PSMD1: variants seen among roughly 807,000 people sequenced by gnomAD.
PSMD1 encodes the protein proteasome 26S subunit, non-ATPase 1, also known as 26S proteasome non-ATPase regulatory subunit 1.
In PSMD1, 18 loss-of-function variants were observed where a neutral mutation model predicts 119.0. That is an observed-to-expected ratio of 0.15 (90% CI 0.10 to 0.22). The LOEUF is 0.22. Ranked by LOEUF, PSMD1 falls within the 10% of genes least tolerant of loss-of-function variation. The probability of loss-of-function intolerance (pLI) is 1.00; values close to 1 mark genes in which losing one functional copy is unlikely to be tolerated. For synonymous variants in PSMD1, 374 were observed against 396.6 expected (o/e 0.94, Z 0.68); for missense variants, 702 against 1,158.5 (o/e 0.61, Z 5.72).
chr2:231,114,269 C>A (rs1695257922), intron 16 of PSMD1, among the ~76,000 whole-genome samples: 1 of 152,044 alleles, frequency 6.6e-6, no homozygotes, highest in Non-Finnish European at 1.5e-5. Context: ...TGGAACTTAA[C>A]CTTGGTATTT....
intron 13 of PSMD1, 115 bp from the exon 14 acceptor site, chr2:231,083,452 C>A: frequency 9.2e-7 from 1 of 1,087,352 alleles, no homozygotes; most frequent in Non-Finnish European, 1.3e-6. Context: ...AAAATGCTAT[C>A]AGAAGCTAAT....
At position 231,082,968 on chromosome 2, in the gene PSMD1, A is replaced by G. The variant is rs1459406753; in HGVS notation, c.1499A>G (p.Asn500Ser). 1 of 1,613,790 alleles carries G rather than the reference A, an allele frequency of 6.2e-7. No homozygotes were observed. Residue 500 changes from asparagine to serine, a missense_variant, in exon 13 of 25, where the codon AAC (asparagine) becomes AGC (serine). By Grantham distance (46) the Asn-to-Ser change is conservative. Coordinates refer to ENST00000308696, the MANE Select transcript of PSMD1 (RefSeq NM_002807.4). ...GATGTTTATGATTTGCTAAAAACAA[A>G]CCTTTATCAGGATGATGCAGTAACA... is the stretch of plus-strand genomic sequence containing the variant. ...RQDVYDLLKT[N>S]LYQDDAVTGE...
At chr2:231,158,792 G>T (rs949196191) in intron 19 of PSMD1, among the ~76,000 whole-genome samples, 1 of 151,994 alleles carries the variant, frequency 6.6e-6, no homozygotes, top group African/African-American at 2.4e-5. Flanking sequence ...AGTCTCCTTA[G>T]GATCTTTTCC....
chr2:231,057,462 A>G (rs1238430165), intron 1 of PSMD1, among the ~76,000 whole-genome samples: 1 of 152,238 alleles, frequency 6.6e-6, no homozygotes, highest in Non-Finnish European at 1.5e-5. Context: ...CTGATCGGGC[A>G]GCCTAACTGC....
intron 16 of PSMD1, among the ~76,000 whole-genome samples, chr2:231,132,140 A>G (rs928118219): frequency 6.6e-6 from 1 of 152,250 alleles, no homozygotes; most frequent in Non-Finnish European, 1.5e-5. Flanking sequence ...CCTTTTGGGA[A>G]GCAAAACTTA....
rs1417777695 is a variant in PSMD1 at position 231,115,515 on chromosome 2, G to A, written c.1884-23221G>A. Among the ~76,000 whole-genome samples, 6 of 152,228 alleles carry A rather than the reference G, an allele frequency of 3.9e-5. No individual in the cohort carries two copies. In the East Asian group the frequency reaches 1.2e-3, roughly 29 times the overall value. ...TATGTTCAGCAGCTTCTTAAAAAGGGATTAAAGCATCAAGTGGAAAGGGTC... is the reference window on the plus strand; with the variant it reads ...TATGTTCAGCAGCTTCTTAAAAAGGAATTAAAGCATCAAGTGGAAAGGGTC... On this transcript the variant is annotated intron_variant, in intron 16 of 24. Coordinates refer to ENST00000308696, the MANE Select transcript of PSMD1 (RefSeq NM_002807.4).
chr2:231,065,941 A>T (rs1693900301), intron 4 of PSMD1, among the ~76,000 whole-genome samples: 2 of 152,230 alleles, frequency 1.3e-5, no homozygotes, highest in African/African-American at 4.8e-5. Context: ...ATGTCCCATA[A>T]GAGTACAATA....
At chr2:231,061,870 C>CT (rs1449623945) in intron 2 of PSMD1, among the ~76,000 whole-genome samples, 1 of 152,198 alleles carries the variant, frequency 6.6e-6, no homozygotes, top group Admixed American at 6.5e-5. Context: ...ACACCTTCCG[C>CT]TTCCCCCGCC....
intron 18 of PSMD1, among the ~76,000 whole-genome samples, chr2:231,153,038 A>G (rs139065784): frequency 4.6e-5 from 7 of 152,332 alleles, no homozygotes; most frequent in Non-Finnish European, 7.4e-5. Context: ...GTACGAGTAC[A>G]CATTCTGACA....
chr2:231,108,423 G>T, intron 16 of PSMD1: 1 of 857,208 alleles, frequency 1.2e-6, no homozygotes, highest in Non-Finnish European at 1.9e-6. Context: ...TTTGATATAT[G>T]ACATAAAATT....
chr2:231,114,062 T>C (rs1695251320), intron 16 of PSMD1: 3 of 715,528 alleles, frequency 4.2e-6, no homozygotes, highest in African/African-American at 1.8e-5. Context: ...CAACATAATG[T>C]TTAACTTCAG....
chr2:231,131,121 A>G (rs1559244168), intron 16 of PSMD1, among the ~76,000 whole-genome samples: 1 of 152,086 alleles, frequency 6.6e-6, no homozygotes, highest in Non-Finnish European at 1.5e-5. Context: ...TTCCCATGGT[A>G]TGAATTTTGC....
At chr2:231,069,478 T>C (rs934984298) in intron 5 of PSMD1, among the ~76,000 whole-genome samples, 2 of 152,230 alleles carry the variant, frequency 1.3e-5, no homozygotes, top group African/African-American at 4.8e-5. Context: ...TCTCAAATAT[T>C]GGGGATACTT....
intron 12 of PSMD1, among the ~76,000 whole-genome samples, chr2:231,081,741 G>T (rs1488823709): frequency 6.6e-6 from 1 of 152,200 alleles, no homozygotes; most frequent in East Asian, 1.9e-4. Flanking sequence ...ATTCAGAAAT[G>T]ACAGATGACC....
At chr2:231,144,895 C>A (rs1390138445) in intron 17 of PSMD1, among the ~76,000 whole-genome samples, 2 of 152,190 alleles carry the variant, frequency 1.3e-5, no homozygotes, top group Non-Finnish European at 2.9e-5. Context: ...TAGCATAATA[C>A]ATAAAATACC....
intron 16 of PSMD1, among the ~76,000 whole-genome samples, chr2:231,132,902 A>T (rs560397475): frequency 6.6e-6 from 1 of 152,350 alleles, no homozygotes; most frequent in Admixed American, 6.5e-5. Flanking sequence ...TTGGCGGCAG[A>T]TTATATGTGG....
At chr2:231,137,355 T>C (rs1695998605) in intron 16 of PSMD1, among the ~76,000 whole-genome samples, 1 of 151,906 alleles carries the variant, frequency 6.6e-6, no homozygotes, top group African/African-American at 2.4e-5. Flanking sequence ...CCTCAAGTGA[T>C]CTGTCCACCT....
intron 23 of PSMD1, among the ~76,000 whole-genome samples, chr2:231,169,408 T>C (rs1696861549): frequency 6.6e-6 from 1 of 151,954 alleles, no homozygotes; most frequent in Non-Finnish European, 1.5e-5. Context: ...ATTCTGGGAG[T>C]ATTGGCAGTA....
At position 231,108,952 on chromosome 2, in the gene PSMD1, C is replaced by T. The variant is rs776224367; in HGVS notation, c.1883+21771C>T. 6.2e-6 allele frequency: 10 copies of T among 1,614,074 alleles called. No homozygotes were observed. The Admixed American group carries it at 1.0e-4, about 16-fold the overall frequency. On this transcript the variant is annotated intron_variant, in intron 16 of 24. Transcript: ENST00000308696. ...TTATATTTGTAATAAAGAAGGGACA[C>T]CACATAAGCAAAAAGAGGAAAAACA...
Sources: gnomAD v4.1 joint callset for allele counts (sites outside exome capture counted in the v4.1 genomes callset) on GRCh38, gnomAD v4.1.1 for gene constraint, MANE v1.5 for transcripts, NCBI Gene and HGNC (gene_info 2026-07-23, HGNC 2026-07-21) for gene names.